Variants in EYS observed in about 807,000 individuals in gnomAD.
EYS encodes EGF-like photoreceptor maintenance factor.
A neutral mutation model predicts 282.1 loss-of-function variants in EYS; 250 were observed. The ratio of observed to expected loss-of-function variants is 0.89; its 90% CI spans 0.80 to 0.98. EYS has a LOEUF of 0.98. Among genes scored for constraint, EYS ranks in the 50% least tolerant of loss-of-function variants. EYS has a pLI of 0.00. For synonymous variants in EYS, 1,355 were observed against 1,282.9 expected (o/e 1.06, Z -1.20); for missense variants, 4,016 against 3,709.0 (o/e 1.08, Z -2.15).
chr6:65,260,367 AT>A (rs1767588998), intron 12 of EYS, among the ~76,000 whole-genome samples: 2 of 152,102 alleles, frequency 1.3e-5, no homozygotes, highest in Non-Finnish European at 2.9e-5. Context: ...CTGCCTGCAG[AT>A]GCCTGCTCTA....
At chr6:65,243,070 A>G (rs1767093523) in intron 12 of EYS, among the ~76,000 whole-genome samples, 1 of 151,848 alleles carries the variant, frequency 6.6e-6, no homozygotes, top group African/African-American at 2.4e-5. Context: ...ATATAACAAT[A>G]TGATTTGCAA....
At chr6:64,586,127 A>C (rs1479861688) in intron 26 of EYS, among the ~76,000 whole-genome samples, 2 of 152,102 alleles carry the variant, frequency 1.3e-5, no homozygotes, top group African/African-American at 4.8e-5. Flanking sequence ...GGAGGTGTTT[A>C]GACCATGAAG....
At chr6:64,917,248 C>CAAA (rs11435902) in intron 15 of EYS, among the ~76,000 whole-genome samples, 8 of 136,692 alleles carry the variant, frequency 5.9e-5, no homozygotes, top group Admixed American at 7.3e-5. Flanking sequence ...GACTTAGTCT[C>CAAA]AAAAAAAAAA....
chr6:64,864,638 C>T (rs1583236470), intron 19 of EYS, among the ~76,000 whole-genome samples: 1 of 151,012 alleles, frequency 6.6e-6, no homozygotes, highest in Admixed American at 6.6e-5. Flanking sequence ...CCTGCCGCGG[C>T]CTTTCAAAGT....
At chr6:63,759,605 G>A (rs1769581107) in intron 41 of EYS, among the ~76,000 whole-genome samples, 2 of 152,068 alleles carry the variant, frequency 1.3e-5, no homozygotes, top group Non-Finnish European at 2.9e-5. Flanking sequence ...TAGAGATAGA[G>A]AATCTAATAC....
At chr6:63,758,843 A>T (rs933346026) in intron 41 of EYS, among the ~76,000 whole-genome samples, 4 of 152,074 alleles carry the variant, frequency 2.6e-5, no homozygotes, top group African/African-American at 9.7e-5. Context: ...TATTGCCCCA[A>T]ACTGGCTGGA....
chr6:63,826,541 C>A (rs1771465822), intron 36 of EYS, among the ~76,000 whole-genome samples: 2 of 152,186 alleles, frequency 1.3e-5, no homozygotes, highest in South Asian at 4.1e-4. Flanking sequence ...TAACAGCAGA[C>A]TTCTCAGCAG....
intron 35 of EYS, among the ~76,000 whole-genome samples, chr6:63,872,804 G>T (rs755089278): frequency 6.6e-6 from 1 of 151,676 alleles, no homozygotes; most frequent in Non-Finnish European, 1.5e-5. Context: ...TGTACTCTTT[G>T]CATCTTAAAA....
chr6:65,454,369 T>C (rs1247030409), intron 5 of EYS, among the ~76,000 whole-genome samples: 1 of 151,948 alleles, frequency 6.6e-6, no homozygotes, highest in Non-Finnish European at 1.5e-5. Flanking sequence ...TATTTGTTCT[T>C]TTGCTGTTAA....
chr6:64,806,074 A>G (rs1247655396), intron 22 of EYS, among the ~76,000 whole-genome samples: 1 of 151,686 alleles, frequency 6.6e-6, no homozygotes, highest in Non-Finnish European at 1.5e-5. Flanking sequence ...AAAAATCAAA[A>G]TAGGTTGATG....
intron 35 of EYS, among the ~76,000 whole-genome samples, chr6:63,950,583 C>T (rs948288326): frequency 2.6e-5 from 4 of 152,104 alleles, no homozygotes; most frequent in Non-Finnish European, 4.4e-5. Context: ...TTCACATGGA[C>T]GCGCGTGACA....
intron 24 of EYS, among the ~76,000 whole-genome samples, chr6:64,603,599 T>G (rs1051537396): frequency 2.6e-5 from 4 of 152,000 alleles, no homozygotes; most frequent in Admixed American, 2.0e-4. Flanking sequence ...AACCCTGTGA[T>G]CTACAAAGAT....
intron 29 of EYS, among the ~76,000 whole-genome samples, chr6:64,364,716 T>C (rs2150410464): frequency 6.6e-6 from 1 of 151,902 alleles, no homozygotes; most frequent in Non-Finnish European, 1.5e-5. Context: ...AACTGTACAA[T>C]TAGAGTGGAA....
intron 2 of EYS, among the ~76,000 whole-genome samples, chr6:65,573,513 A>G (rs903985657): frequency 1.9e-4 from 29 of 152,100 alleles, no homozygotes; most frequent in African/African-American, 6.8e-4. Flanking sequence ...TCACCTCAGG[A>G]AAGAAACTTC....
intron 33 of EYS, among the ~76,000 whole-genome samples, chr6:64,062,417 C>G (rs1014103783): frequency 6.6e-6 from 1 of 152,162 alleles, no homozygotes; most frequent in African/African-American, 2.4e-5. Context: ...CTCAGCCAGG[C>G]TTGGTGGCTC....
At chr6:65,512,590 T>A (rs1269883640) in intron 2 of EYS, among the ~76,000 whole-genome samples, 2 of 151,626 alleles carry the variant, frequency 1.3e-5, no homozygotes. Flanking sequence ...ACAAACTGTC[T>A]CTCAGACCAC....
At chr6:64,425,549 GA>G (rs1774375845) in intron 28 of EYS, among the ~76,000 whole-genome samples, 1 of 151,376 alleles carries the variant, frequency 6.6e-6, no homozygotes, top group African/African-American at 2.4e-5. Context: ...AGCTACTTGA[GA>G]GGCTCAGGCA....
At chr6:65,270,398 C>G (rs533329060) in intron 12 of EYS, among the ~76,000 whole-genome samples, 2 of 152,080 alleles carry the variant, frequency 1.3e-5, no homozygotes, top group Non-Finnish European at 2.9e-5. Flanking sequence ...GTGGCCCTAC[C>G]CTCACAGTTT....
intron 26 of EYS, among the ~76,000 whole-genome samples, chr6:64,451,193 C>T (rs1182494990): frequency 1.3e-5 from 2 of 152,152 alleles, no homozygotes; most frequent in Non-Finnish European, 2.9e-5. Flanking sequence ...ACTGATCCCA[C>T]AGAAATACAA....
Sources: allele counts gnomAD v4.1 joint callset (sites outside exome capture counted in the v4.1 genomes callset), GRCh38; gene constraint gnomAD v4.1.1; transcripts MANE v1.5; gene names NCBI Gene and HGNC (gene_info 2026-07-23, HGNC 2026-07-21).